ZNF469: variants seen among roughly 807,000 people sequenced by gnomAD.
The protein encoded by ZNF469 is zinc finger protein 469.
In ZNF469, 1 loss-of-function variant was observed where a neutral mutation model predicts 1.0. That is an observed-to-expected ratio of 1.00 (90% CI 0.35 to 4.73). The LOEUF is 4.73. Ranked by LOEUF, ZNF469 falls within the 30% of genes most tolerant of loss-of-function variation. The pLI is 0.16. For synonymous variants in ZNF469, 2,703 were observed against 2,363.4 expected, an observed-to-expected ratio of 1.14 and a Z score of -4.17; for missense variants, 6,100 against 5,356.3, an observed-to-expected ratio of 1.14 and a Z score of -4.33.
chr16:88,375,530 G>A, the ZNF469 span, among the ~76,000 whole-genome samples: 1 of 152,256 alleles, frequency 6.6e-6, no homozygotes, highest in African/African-American at 2.4e-5. Context: ...CCATTGCCAT[G>A]AATGGTTCCA....
the ZNF469 span, among the ~76,000 whole-genome samples, chr16:88,281,170 A>G: frequency 2.2e-5 from 3 of 134,544 alleles, no homozygotes; most frequent in Non-Finnish European, 3.3e-5. Flanking sequence ...TACTGTGCTG[A>G]TGTCGGTGCA....
chr16:88,433,155 C>T lies in ZNF469; in HGVS notation c.5685C>T (p.Asp1895=). The T allele has an allele frequency of 6.5e-7, 1 of 1,550,362 alleles. No individual in the cohort carries two copies. Among genetic ancestry groups the T allele is most frequent in the South Asian group, 1.2e-5 (1 of 84,064 alleles). Residue 1895 remains aspartate (D), a synonymous_variant, in exon 3 of 3, where the codon GAC becomes GAT. Transcript: ENST00000565624. The stretch of plus-strand genomic sequence containing the variant: ...CCCACCCTAGCAGGAGGTCCCAGGA[C>T]CCAGCTTTGAGCCCCCCCATACGTC... ...SNTHPSRRSQ[D]PALSPPIRQL... is the part of the protein sequence containing the mutation.
Position 88,430,370 on chromosome 16 carries a change from C to T in ZNF469, c.2900C>T (p.Ser967Leu). ...GACTCGGGCGGCGCAGCAGAGGGGT[C>T]GGGGTCGGGCGGCGGCGGCAGAGCC... The part of the protein sequence containing the change: ...DLDSGGAAEG[S>L]GSGGGGRASG... Residue 967 changes from serine (S) to leucine (L), a missense_variant, in exon 3 of 3, where the codon TCG becomes TTG. Transcript: ENST00000565624. 3.3e-6 allele frequency: 5 copies of T among 1,511,202 alleles called. No individual in the cohort carries two copies. The highest frequency in any genetic ancestry group is 1.2e-5 in the South Asian group (1 of 80,828). 93.6% of individuals were successfully genotyped at this position (1,511,202 alleles called of 1,614,324 possible). A position where few individuals can be genotyped will look rare whatever the true frequency, so the allele number is the denominator to read the frequency against.
the ZNF469 span, among the ~76,000 whole-genome samples, chr16:88,132,899 C>T: frequency 0.032 from 4,814 of 151,656 alleles, no homozygotes; most frequent in African/African-American, 0.11. Flanking sequence ...AGAGCAGCTG[C>T]CTTGGGCAGC....
chr16:88,130,931 G>A, the ZNF469 span, among the ~76,000 whole-genome samples: 3 of 152,224 alleles, frequency 2.0e-5, no homozygotes, highest in Non-Finnish European at 4.4e-5. Context: ...GAGACAGGCG[G>A]AAGTGGCGTC....
At position 88,434,891 on chromosome 16, in the gene ZNF469, G is replaced by A. The variant is rs1906459531; in HGVS notation, c.7421G>A (p.Cys2474Tyr). The A allele has an allele frequency of 1.3e-6, 2 of 1,550,262 alleles. No homozygotes were observed. Among genetic ancestry groups the A allele is most frequent in the Non-Finnish European group, 1.7e-6 (2 of 1,147,006 alleles). Residue 2474 changes from cysteine to tyrosine, a missense_variant, in exon 3 of 3, where the codon TGT becomes TAT. Coordinates refer to ENST00000565624, the MANE Select transcript of ZNF469 (RefSeq NM_001367624.2). The part of the protein sequence containing the change: ...KGQAPHGPVT[C>Y]EVCAASFRSG... ...CAAGCTCCACATGGGCCTGTGACCT[G>A]TGAGGTCTGCGCAGCCTCCTTCCGC... is the stretch of plus-strand genomic sequence containing the variant.
intron 1 of ZNF469, among the ~76,000 whole-genome samples, chr16:88,401,931 G>T (rs796810358): frequency 1.9e-5 from 1 of 53,494 alleles, no homozygotes; most frequent in South Asian, 3.8e-4. Flanking sequence ...TGGATGGATG[G>T]ATAGATACGT....
At chr16:88,140,555 G>A in the ZNF469 span, among the ~76,000 whole-genome samples, 1 of 152,216 alleles carries the variant, frequency 6.6e-6, no homozygotes, top group Non-Finnish European at 1.5e-5. Flanking sequence ...GAAAAGCCGG[G>A]GGCCTTGCCC....
At chr16:88,275,745 C>G in the ZNF469 span, among the ~76,000 whole-genome samples, 2 of 152,230 alleles carry the variant, frequency 1.3e-5, no homozygotes, top group East Asian at 3.8e-4. Context: ...CAAAGCCTCC[C>G]AGGACCCTGG....
At chr16:88,265,459 C>T in the ZNF469 span, among the ~76,000 whole-genome samples, 1 of 152,146 alleles carries the variant, frequency 6.6e-6, no homozygotes, top group Non-Finnish European at 1.5e-5. Flanking sequence ...GGCTGCGGCA[C>T]AGAGGGGCAG....
chr16:88,439,745 G>C lies in ZNF469; in HGVS notation c.*413G>C. 3.6e-6 allele frequency: 1 copy of C among 276,552 alleles called. No homozygotes were observed. The highest frequency in any genetic ancestry group is 4.0e-5 in the South Asian group (1 of 25,048). The allele number at this position is 276,552 out of a possible 1,614,324, so 17.1% of individuals were successfully genotyped here. ...AAGTAAGTTGAGGCAGCCGTGGGATGGTGGTAGGTTCCCTCTTAGTCTTGC... is the reference window on the plus strand; with the variant it reads ...AAGTAAGTTGAGGCAGCCGTGGGATCGTGGTAGGTTCCCTCTTAGTCTTGC... On this transcript the variant is annotated 3_prime_UTR_variant, in exon 3 of 3. Coordinates refer to ENST00000565624, the MANE Select transcript of ZNF469 (RefSeq NM_001367624.2).
the ZNF469 span, among the ~76,000 whole-genome samples, chr16:88,208,842 C>T: frequency 6.8e-6 from 1 of 147,878 alleles, no homozygotes; most frequent in African/African-American, 2.5e-5. Context: ...CTCTAACATA[C>T]ATGAGCCACG....
chr16:88,372,262 GTCACCATCACCATCA>G, the ZNF469 span, among the ~76,000 whole-genome samples: 2 of 3,196 alleles, frequency 6.3e-4, no homozygotes, highest in Non-Finnish European at 1.1e-3. Flanking sequence ...CCCCATCATC[GTCACCATCACCATCA>G]TCACCATCAC....
At chr16:88,390,018 C>T (rs1364895413) in intron 1 of ZNF469, among the ~76,000 whole-genome samples, 1 of 152,224 alleles carries the variant, frequency 6.6e-6, no homozygotes, top group African/African-American at 2.4e-5. Context: ...GCTGTTCGTC[C>T]TTGCACAGCC....
chr16:88,327,435 G>A, the ZNF469 span, among the ~76,000 whole-genome samples: 1 of 152,358 alleles, frequency 6.6e-6, no homozygotes, highest in South Asian at 2.1e-4. Context: ...TGTGAAGCGG[G>A]TAGGCAGCCC....
the ZNF469 span, among the ~76,000 whole-genome samples, chr16:88,334,166 G>A: frequency 1.3e-5 from 2 of 152,098 alleles, no homozygotes. Context: ...AGGAAGTCTT[G>A]CTCTGTGTTA....
chr16:88,353,246 G>A, the ZNF469 span, among the ~76,000 whole-genome samples: 8 of 152,122 alleles, frequency 5.3e-5, no homozygotes, highest in Admixed American at 2.0e-4. Flanking sequence ...GTCACAATAC[G>A]CTCCCAATAA....
the ZNF469 span, among the ~76,000 whole-genome samples, chr16:88,311,630 C>T: frequency 6.6e-6 from 1 of 152,166 alleles, no homozygotes; most frequent in African/African-American, 2.4e-5. Flanking sequence ...TGGGCTCCAA[C>T]TGAGGGGTGT....
the ZNF469 span, among the ~76,000 whole-genome samples, chr16:88,209,187 C>T: frequency 0.011 from 1,736 of 152,224 alleles, 23 homozygotes; most frequent in African/African-American, 0.039. Context: ...GGAGAAATGT[C>T]GCTCCCTAGT....
Sources: allele counts gnomAD v4.1 joint callset (sites outside exome capture counted in the v4.1 genomes callset), GRCh38; gene constraint gnomAD v4.1.1; transcripts MANE v1.5; gene names NCBI Gene and HGNC (gene_info 2026-07-23, HGNC 2026-07-21).